The following CHMP3 variants were observed in gnomAD, a reference collection of about 807,000 sequenced individuals.
CHMP3 encodes 25.1 protein.
A neutral mutation model predicts 27.4 loss-of-function variants in CHMP3; 8 were observed. The observed-to-expected ratio is 0.29, with a 90% CI of 0.17 to 0.53. CHMP3 has a LOEUF of 0.53. CHMP3 is among the 20% of genes least tolerant of loss of function. The pLI, the probability that CHMP3 is intolerant of heterozygous loss-of-function variation, is 0.96. For synonymous variants in CHMP3, 86 were observed against 85.5 expected (o/e 1.01, Z -0.03); for missense variants, 208 against 271.5 (o/e 0.77, Z 1.64).
At chr2:86,521,622 T>C (rs1189539123) in intron 3 of CHMP3, among the ~76,000 whole-genome samples, 1 of 152,180 alleles carries the variant, frequency 6.6e-6, no homozygotes, top group Non-Finnish European at 1.5e-5. Flanking sequence ...ACCAACACTC[T>C]ACTTTCTGCC....
intron 1 of CHMP3, among the ~76,000 whole-genome samples, chr2:86,556,433 C>T (rs1392470393): frequency 6.6e-6 from 1 of 152,134 alleles, no homozygotes; most frequent in Non-Finnish European, 1.5e-5. Flanking sequence ...TTTCTCTCAC[C>T]ATTGTAGGAG....
intron 1 of CHMP3, among the ~76,000 whole-genome samples, 188 bp from the exon 2 acceptor site, chr2:86,542,500 G>A (rs1466467732): frequency 6.6e-6 from 1 of 152,108 alleles, no homozygotes; most frequent in African/African-American, 2.4e-5. Context: ...ACAGTGCACA[G>A]GAGTTTTAAG....
intron 4 of CHMP3, among the ~76,000 whole-genome samples, chr2:86,509,025 C>T (rs1003678161): frequency 1.3e-5 from 2 of 152,156 alleles, no homozygotes; most frequent in African/African-American, 4.8e-5. Context: ...CTGCTCTGTG[C>T]CACACAATAG....
chr2:86,538,491 G>A (rs1353121193), intron 2 of CHMP3, among the ~76,000 whole-genome samples: 1 of 152,124 alleles, frequency 6.6e-6, no homozygotes, highest in East Asian at 1.9e-4. Flanking sequence ...ATAAACAAAT[G>A]TTTGGGTATA....
intron 1 of CHMP3, among the ~76,000 whole-genome samples, chr2:86,560,854 AAG>A (rs1349464889): frequency 6.6e-6 from 1 of 152,180 alleles, no homozygotes; most frequent in Non-Finnish European, 1.5e-5. Context: ...TGGCAGGAGC[AAG>A]AGAGAATGAG....
chr2:86,543,242 G>C (rs1280722877), intron 1 of CHMP3, among the ~76,000 whole-genome samples: 1 of 152,138 alleles, frequency 6.6e-6, no homozygotes, highest in African/African-American at 2.4e-5. Context: ...ATTAGAAGAT[G>C]AATTTCCAAT....
intron 1 of CHMP3, among the ~76,000 whole-genome samples, chr2:86,544,068 C>T (rs1348417489): frequency 3.3e-5 from 5 of 152,262 alleles, no homozygotes; most frequent in East Asian, 1.9e-4. Flanking sequence ...GTTAACTTTT[C>T]GTTTCTGGTT....
chr2:86,537,166 CT>C (rs1460101566), intron 2 of CHMP3, among the ~76,000 whole-genome samples: 2 of 152,010 alleles, frequency 1.3e-5, no homozygotes, highest in Admixed American at 6.6e-5. Context: ...CACCCAGTCT[CT>C]TTTTTTTCTT....
intron 3 of CHMP3, chr2:86,510,742 C>T (rs905745942): frequency 6.0e-6 from 2 of 330,634 alleles, no homozygotes; most frequent in East Asian, 6.7e-5. Flanking sequence ...CCACTCTTGA[C>T]TTTTAGGAAA....
At position 86,523,487 on chromosome 2, in the gene CHMP3, G is replaced by A. The variant is rs75458137; in HGVS notation, c.286+5731C>T. Among the ~76,000 whole-genome samples, 224 of 152,108 alleles carry A rather than the reference G, an allele frequency of 1.5e-3. 2 individuals are homozygous for A. The highest frequency in any genetic ancestry group is 3.5e-3 in the Admixed American group (54 of 15,276). ...CCCATACCTAGAGGGCAGTGATTGC[G>A]CCTGTAATATTCACGATTTTAACCC... On this transcript the variant is annotated intron_variant, in intron 3 of 5. Transcript: ENST00000263856.
intron 3 of CHMP3, among the ~76,000 whole-genome samples, chr2:86,519,083 G>A (rs1675426434): frequency 1.3e-5 from 2 of 152,054 alleles, no homozygotes; most frequent in South Asian, 4.1e-4. Flanking sequence ...CCATAAAAAA[G>A]CAAAGGAGGG....
At chr2:86,544,913 C>T (rs1676506534) in intron 1 of CHMP3, among the ~76,000 whole-genome samples, 1 of 151,816 alleles carries the variant, frequency 6.6e-6, no homozygotes, top group Non-Finnish European at 1.5e-5. Flanking sequence ...CTCCTCACTT[C>T]CCAGACGGGG....
intron 1 of CHMP3, among the ~76,000 whole-genome samples, chr2:86,554,816 C>CATGTGT (rs1553409364): frequency 6.9e-6 from 1 of 145,384 alleles, no homozygotes; most frequent in African/African-American, 2.6e-5. Context: ...TGTGTGCGCG[C>CATGTGT]GTGTGTGTGT....
chr2:86,542,449 G>A, intron 1 of CHMP3, 137 bp from the exon 2 acceptor site: 3 of 820,918 alleles, frequency 3.7e-6, no homozygotes, highest in Non-Finnish European at 5.8e-6. Context: ...AGAGCTTTAG[G>A]GTCAAATTTT....
chr2:86,560,420 G>T (rs1242036986), intron 1 of CHMP3, among the ~76,000 whole-genome samples: 6 of 152,166 alleles, frequency 3.9e-5, no homozygotes, highest in African/African-American at 1.4e-4. Context: ...GGACATGGAT[G>T]AAGCTGGAAA....
chr2:86,562,352 A>G (rs1032486373), intron 1 of CHMP3: 6 of 148,450 alleles, frequency 4.0e-5, no homozygotes, highest in Non-Finnish European at 7.4e-5. Flanking sequence ...CACACTAATC[A>G]TTAGGGAGCT....
chr2:86,546,440 T>G (rs1676609060), intron 1 of CHMP3, among the ~76,000 whole-genome samples: 1 of 130,028 alleles, frequency 7.7e-6, no homozygotes, highest in Non-Finnish European at 1.6e-5. Context: ...AAGTTGGACT[T>G]TTTTTTTTTT....
At chr2:86,563,099 G>A (rs762340947) in intron 1 of CHMP3, 2 of 563,436 alleles carry the variant, frequency 3.5e-6, no homozygotes, top group Admixed American at 2.7e-5. Flanking sequence ...CTACCTGTTC[G>A]AGAGCCATGG....
intron 2 of CHMP3, among the ~76,000 whole-genome samples, chr2:86,537,735 C>A (rs2103971868): frequency 6.6e-6 from 1 of 152,244 alleles, no homozygotes; most frequent in East Asian, 1.9e-4. Context: ...TTTTATGAGC[C>A]TGTACCATTC....
Sources: allele counts gnomAD v4.1 joint callset (sites outside exome capture counted in the v4.1 genomes callset), GRCh38; gene constraint gnomAD v4.1.1; transcripts MANE v1.5; gene names NCBI Gene and HGNC (gene_info 2026-07-23, HGNC 2026-07-21).